KAZN: variants seen among roughly 807,000 people sequenced by gnomAD.
KAZN encodes kazrin.
KAZN carries 40 observed loss-of-function variants against 87.4 expected under a neutral mutation model. The ratio of observed to expected loss-of-function variants is 0.46; its 90% CI spans 0.36 to 0.60. The LOEUF (loss-of-function observed/expected upper bound fraction) is 0.60. Ranked by LOEUF, KAZN falls within the 20% of genes least tolerant of loss-of-function variation. KAZN has a pLI of 0.00. For synonymous variants in KAZN, 466 were observed against 458.3 expected, an observed-to-expected ratio of 1.02 and a Z score of -0.22; for missense variants, 898 against 1,073.9, an observed-to-expected ratio of 0.84 and a Z score of 2.29.
In KAZN at chr1:15,094,860, GT is replaced by G; in HGVS notation, c.1475del (p.Val492GlyfsTer42). ...SDEDLQLGLGVCSSLHRRKLR... is the reference protein window; with the variant it reads ...SDEDLQLGLGXCSSLHRRKLR... Reference sequence around the variant, plus strand: ...CGAGGACCTGCAGCTGGGCCTTGGGGTGTGCAGCTCCCTGCACCGGCGCAAG... The same window carrying G: ...CGAGGACCTGCAGCTGGGCCTTGGGGGTGCAGCTCCCTGCACCGGCGCAAG... On this transcript the variant is annotated frameshift_variant, in exon 10 of 15. Transcript: ENST00000376030. LOFTEE classifies it high-confidence loss of function. This position sits in a 1 kb window ranked among gnomAD's most constrained non-coding sequence, Gnocchi z 4.5. The G allele has an allele frequency of 6.4e-7, 1 of 1,550,726 alleles. No homozygotes were observed. Among genetic ancestry groups the G allele is most frequent in the South Asian group, 1.2e-5 (1 of 84,054 alleles).
intron 2 of KAZN, among the ~76,000 whole-genome samples, chr1:14,374,443 A>G (rs1277657430): frequency 2.0e-5 from 3 of 152,228 alleles, no homozygotes; most frequent in African/African-American, 4.8e-5. Context: ...TCAGGCAAGG[A>G]TGAGGAGCTT....
intron 2 of KAZN, among the ~76,000 whole-genome samples, chr1:14,239,513 T>C (rs1286453845): frequency 7.3e-6 from 1 of 136,058 alleles, no homozygotes; most frequent in Non-Finnish European, 1.5e-5. Flanking sequence ...CAGGCTGGAG[T>C]GCAATGGCGC....
chr1:14,521,484 T>C (rs960027236), intron 2 of KAZN, among the ~76,000 whole-genome samples: 1 of 152,198 alleles, frequency 6.6e-6, no homozygotes, highest in East Asian at 1.9e-4. Context: ...GGCCTTTCTG[T>C]GAAATGTGAA....
intron 2 of KAZN, among the ~76,000 whole-genome samples, chr1:14,362,677 T>C (rs575194313): frequency 6.6e-6 from 1 of 152,124 alleles, no homozygotes; most frequent in Non-Finnish European, 1.5e-5. Flanking sequence ...AATTCCCCCA[T>C]CAACACTTTA....
intron 1 of KAZN, among the ~76,000 whole-genome samples, chr1:13,974,634 A>G (rs1186979592): frequency 6.6e-6 from 1 of 152,186 alleles, no homozygotes; most frequent in Non-Finnish European, 1.5e-5. Flanking sequence ...TGCTGCCACA[A>G]GTCAAGGAAT....
Position 14,935,859 on chromosome 1 carries a change from T to C in KAZN, c.227-24825T>C, listed in dbSNP as rs575621424. Reference sequence around the variant, plus strand: ...CATGGGACAGCCCTAATGGTGATGTTGGTGGGGCAAGCGGAGCTGCAGCCT... The same window carrying C: ...CATGGGACAGCCCTAATGGTGATGTCGGTGGGGCAAGCGGAGCTGCAGCCT... On this transcript the variant is annotated intron_variant, in intron 1 of 14. Coordinates refer to ENST00000376030, the MANE Select transcript of KAZN (RefSeq NM_201628.3). Among the ~76,000 whole-genome samples, 40 of 152,266 alleles carry C rather than the reference T, an allele frequency of 2.6e-4. No homozygotes were observed. In the East Asian group the frequency reaches 7.6e-3, roughly 29 times the overall value.
intron 1 of KAZN, among the ~76,000 whole-genome samples, chr1:14,725,274 G>A (rs189824427): frequency 1.2e-4 from 18 of 152,034 alleles, no homozygotes; most frequent in Non-Finnish European, 1.9e-4. Flanking sequence ...TCTTCATTGC[G>A]TCAATGCAGA....
At chr1:15,008,642 G>A (rs920455918) in intron 2 of KAZN, among the ~76,000 whole-genome samples, 5 of 152,214 alleles carry the variant, frequency 3.3e-5, no homozygotes, top group African/African-American at 1.2e-4. Context: ...GTGCCACAGG[G>A]CTTCTAGCCC....
chr1:13,962,598 C>T (rs1641794985), intron 1 of KAZN, among the ~76,000 whole-genome samples: 1 of 152,162 alleles, frequency 6.6e-6, no homozygotes, highest in South Asian at 2.1e-4. Context: ...TGCTCTGTCA[C>T]CCAGGCTGGA....
intron 1 of KAZN, among the ~76,000 whole-genome samples, chr1:14,919,320 G>A (rs1183640157): frequency 2.6e-5 from 4 of 152,190 alleles, no homozygotes; most frequent in African/African-American, 9.7e-5. Context: ...GGGATGACAG[G>A]CGCGTTCCAC....
At chr1:14,053,845 C>T (rs1642439855) in intron 1 of KAZN, among the ~76,000 whole-genome samples, 1 of 152,022 alleles carries the variant, frequency 6.6e-6, no homozygotes. Context: ...GGAAGCCTTA[C>T]CAATAACATA....
chr1:14,365,318 A>G (rs1444140890), intron 2 of KAZN, among the ~76,000 whole-genome samples: 3 of 147,536 alleles, frequency 2.0e-5, no homozygotes, highest in African/African-American at 7.5e-5. Flanking sequence ...AAGTGCTGGG[A>G]TTACAGGTGT....
chr1:14,200,595 A>T (rs1297127545), intron 2 of KAZN, among the ~76,000 whole-genome samples: 5 of 152,240 alleles, frequency 3.3e-5, no homozygotes, highest in Non-Finnish European at 5.9e-5. Flanking sequence ...TATTGGTAAC[A>T]TATAGGCAAA....
rs556241306 is a variant in KAZN, at chr1:14,060,030, G to C, written c.92-120405G>C. Reference sequence around the variant, plus strand: ...TTAAGCTTCCTGCCTTCTCACCACTGTCTATTAAAAACAGTTTGGATTTCC... The same window carrying C: ...TTAAGCTTCCTGCCTTCTCACCACTCTCTATTAAAAACAGTTTGGATTTCC... On this transcript the variant is annotated intron_variant, in intron 1 of 16. Coordinates refer to the KAZN transcript ENST00000636203. Among the ~76,000 whole-genome samples the C allele has an allele frequency of 2.8e-4, 43 of 152,216 alleles. 1 individual carries two copies. Among genetic ancestry groups the C allele is most frequent in the Non-Finnish European group, 5.1e-4 (35 of 68,010 alleles).
chr1:14,384,530 T>C (rs892837262), intron 2 of KAZN, among the ~76,000 whole-genome samples: 15 of 152,190 alleles, frequency 9.9e-5, no homozygotes, highest in African/African-American at 3.1e-4. Context: ...CATGAAAGGT[T>C]GTTGAATTTT....
chr1:14,390,584 A>T (rs577299005), intron 2 of KAZN: 11 of 152,282 alleles, frequency 7.2e-5, no homozygotes, highest in Admixed American at 6.5e-4. Flanking sequence ...TGGACTCAGT[A>T]AACACCAGAG....
At chr1:14,875,717 T>C (rs560938588) in intron 1 of KAZN, among the ~76,000 whole-genome samples, 2 of 152,264 alleles carry the variant, frequency 1.3e-5, no homozygotes, top group Non-Finnish European at 2.9e-5. Flanking sequence ...ACGTACACCA[T>C]GGAAACTGGC....
intron 2 of KAZN, among the ~76,000 whole-genome samples, chr1:14,578,254 C>T (rs1675313201): frequency 6.6e-6 from 1 of 151,994 alleles, no homozygotes; most frequent in South Asian, 2.1e-4. Context: ...GTTTTAAGTT[C>T]CATTTCATAC....
chr1:14,685,995 T>C (rs1268941756), intron 1 of KAZN, among the ~76,000 whole-genome samples: 2 of 152,236 alleles, frequency 1.3e-5, no homozygotes, highest in Non-Finnish European at 2.9e-5. Flanking sequence ...AGTGAGTAGA[T>C]GGCAGAACTT....
Sources: gnomAD v4.1 joint callset for allele counts (sites outside exome capture counted in the v4.1 genomes callset) on GRCh38, gnomAD v4.1.1 for gene constraint, Gnocchi (gnomAD v3.1) non-coding constraint, MANE v1.5 for transcripts, NCBI Gene and HGNC (gene_info 2026-07-23, HGNC 2026-07-21) for gene names.